Variants in MACROD2 observed in about 807,000 individuals in gnomAD.
MACROD2 encodes mono-ADP ribosylhydrolase 2, also known as ADP-ribose glycohydrolase MACROD2.
A neutral mutation model predicts 70.4 loss-of-function variants in MACROD2; 36 were observed. The ratio of observed to expected loss-of-function variants is 0.51; its 90% confidence interval spans 0.39 to 0.68. The LOEUF is 0.68. MACROD2 is among the 30% of genes least tolerant of loss of function. The pLI is 0.00. For missense variants in MACROD2, 496 were observed against 538.4 expected, an observed-to-expected ratio of 0.92 and a Z score of 0.78; for synonymous variants, 172 against 178.8, an observed-to-expected ratio of 0.96 and a Z score of 0.30.
At chr20:14,735,176 G>A (rs886543697) in intron 5 of MACROD2, among the ~76,000 whole-genome samples, 1 of 151,992 alleles carries the variant, frequency 6.6e-6, no homozygotes, top group Non-Finnish European at 1.5e-5. Context: ...TGCCTCAAAC[G>A]ACACTATGAA....
At chr20:15,674,922 AGGATT>A (rs1265493677) in intron 8 of MACROD2, among the ~76,000 whole-genome samples, 1 of 152,208 alleles carries the variant, frequency 6.6e-6, no homozygotes, top group Non-Finnish European at 1.5e-5. Context: ...TTTATGGCAG[AGGATT>A]GCTCTGGTTT....
chr20:14,559,401 A>G (rs531892186), intron 4 of MACROD2, among the ~76,000 whole-genome samples: 2 of 151,924 alleles, frequency 1.3e-5, no homozygotes, highest in South Asian at 2.1e-4. Context: ...CATTTTAATC[A>G]TATCTGCTAG....
chr20:15,659,818 G>A (rs1216071408), intron 8 of MACROD2, among the ~76,000 whole-genome samples: 1 of 152,104 alleles, frequency 6.6e-6, no homozygotes, highest in Non-Finnish European at 1.5e-5. Context: ...AAAATGTGAT[G>A]GAGAAGGTTA....
intron 5 of MACROD2, among the ~76,000 whole-genome samples, chr20:15,084,074 T>TG (rs2075727436): frequency 1.7e-5 from 2 of 117,034 alleles, no homozygotes; most frequent in Admixed American, 1.7e-4. Flanking sequence ...TTTTTTTTGT[T>TG]TTTTTTTTTT....
At chr20:15,499,694 C>T in intron 7 of MACROD2, 80 bp from the exon 8 acceptor site, 1 of 1,271,058 alleles carries the variant, frequency 7.9e-7, no homozygotes, top group East Asian at 2.3e-5. Flanking sequence ...AATGAGAAAA[C>T]TCCAGTATCA....
At chr20:14,934,710 T>A (rs1202981103) in intron 5 of MACROD2, among the ~76,000 whole-genome samples, 2 of 152,030 alleles carry the variant, frequency 1.3e-5, no homozygotes, top group Non-Finnish European at 2.9e-5. Context: ...TTGCTTGAAC[T>A]CAGGAGGTGG....
intron 6 of MACROD2, among the ~76,000 whole-genome samples, chr20:15,245,321 A>G (rs1333225861): frequency 6.6e-6 from 1 of 152,144 alleles, no homozygotes; most frequent in Admixed American, 6.5e-5. Context: ...GAAATGAGAA[A>G]ATGTATTTAC....
At chr20:14,562,149 T>G (rs2123294146) in intron 4 of MACROD2, among the ~76,000 whole-genome samples, 1 of 152,018 alleles carries the variant, frequency 6.6e-6, no homozygotes, top group Non-Finnish European at 1.5e-5. Flanking sequence ...AAGACTTTTT[T>G]AATGTCTTGG....
chr20:15,432,854 T>C (rs2046379991), intron 7 of MACROD2, among the ~76,000 whole-genome samples: 2 of 151,958 alleles, frequency 1.3e-5, no homozygotes, highest in African/African-American at 2.4e-5. Flanking sequence ...AAAAAGGGAA[T>C]TGATGTAATA....
intron 4 of MACROD2, among the ~76,000 whole-genome samples, chr20:14,684,231 A>T (rs2070971224): frequency 6.6e-6 from 1 of 152,202 alleles, no homozygotes; most frequent in South Asian, 2.1e-4. Context: ...CGCAGCACCC[A>T]GTCAGACACC....
At chr20:15,899,811 A>G (rs2065037642) in intron 10 of MACROD2, among the ~76,000 whole-genome samples, 2 of 152,216 alleles carry the variant, frequency 1.3e-5, no homozygotes, top group Admixed American at 1.3e-4. Context: ...ACTTTAAAAT[A>G]TTAATGATGT....
intron 15 of MACROD2, among the ~76,000 whole-genome samples, chr20:16,032,299 A>G (rs556067164): frequency 6.6e-6 from 1 of 152,110 alleles, no homozygotes; most frequent in African/African-American, 2.4e-5. Flanking sequence ...ATCGGGTGCT[A>G]TGCTTACCAC....
chr20:14,563,864 G>A (rs1979602002), intron 4 of MACROD2, among the ~76,000 whole-genome samples: 1 of 151,824 alleles, frequency 6.6e-6, no homozygotes. Flanking sequence ...AATTCATGTG[G>A]AATCAAAAAA....
At chr20:14,133,647 A>C (rs1002578875) in intron 3 of MACROD2, among the ~76,000 whole-genome samples, 3 of 152,224 alleles carry the variant, frequency 2.0e-5, no homozygotes, top group African/African-American at 2.4e-5. Flanking sequence ...GATGTGAATA[A>C]AGTGAAGGAA....
intron 5 of MACROD2, among the ~76,000 whole-genome samples, chr20:14,704,815 T>G (rs1406862062): frequency 6.6e-6 from 1 of 152,168 alleles, no homozygotes; most frequent in Non-Finnish European, 1.5e-5. Context: ...TGCGTGTTCT[T>G]TTTTTAAATT....
At chr20:14,736,959 A>G (rs933012803) in intron 5 of MACROD2, among the ~76,000 whole-genome samples, 13 of 152,068 alleles carry the variant, frequency 8.5e-5, no homozygotes, top group Middle Eastern at 3.4e-3. Flanking sequence ...TTTTTTTTAG[A>G]ATTTTTAAAA....
rs73265074 is a variant in MACROD2, at chr20:15,339,520, C to T, written c.541-91885C>T. Among the ~76,000 whole-genome samples, 1,110 of 151,858 alleles carry T rather than the reference C, an allele frequency of 7.3e-3. 47 individuals carry two copies. The highest frequency in any genetic ancestry group is 0.026 in the African/African-American group (1,052 of 41,170). On this transcript the variant is annotated intron_variant, in intron 6 of 17. Transcript: ENST00000684519. ...CTGCTAAATCGTTTCTAGCACTTGA[C>T]GCCCAGCATGATTGGGGATCCTGAG...
At chr20:14,508,762 A>G (rs1485464079) in intron 4 of MACROD2, among the ~76,000 whole-genome samples, 1 of 152,206 alleles carries the variant, frequency 6.6e-6, no homozygotes. Context: ...ATTTTCAAAC[A>G]CATAGAAAAT....
At chr20:14,943,525 A>G (rs1035914548) in intron 5 of MACROD2, among the ~76,000 whole-genome samples, 1 of 152,116 alleles carries the variant, frequency 6.6e-6, no homozygotes, top group Non-Finnish European at 1.5e-5. Context: ...TTGCTTCCCA[A>G]CCAGAGCTAT....
Sources: gnomAD v4.1 joint callset for allele counts (sites outside exome capture counted in the v4.1 genomes callset) on GRCh38, gnomAD v4.1.1 for gene constraint, MANE v1.5 for transcripts, NCBI Gene and HGNC (gene_info 2026-07-23, HGNC 2026-07-21) for gene names.